The following PDE4D variants were observed in gnomAD, a reference collection of about 807,000 sequenced individuals.
PDE4D encodes 3',5'-cyclic-AMP phosphodiesterase 4D.
Under a neutral mutation model 87.4 loss-of-function variants are expected in PDE4D, and 24 were observed. The ratio of observed to expected loss-of-function variants is 0.27; its 90% CI spans 0.20 to 0.39. PDE4D has a LOEUF of 0.39. Among genes scored for constraint, PDE4D ranks in the 10% least tolerant of loss-of-function variants. The pLI, the probability that PDE4D is intolerant of heterozygous loss-of-function variation, is 1.00. For missense variants in PDE4D, 714 were observed against 1,041.0 expected (o/e 0.69, Z 4.32); for synonymous variants, 384 against 383.2 (o/e 1.00, Z -0.02).
chr5:59,976,795 C>T (rs548467977), intron 3 of PDE4D, among the ~76,000 whole-genome samples: 1 of 152,170 alleles, frequency 6.6e-6, no homozygotes, highest in East Asian at 1.9e-4. Flanking sequence ...GTTTCTATGT[C>T]ATATTTTGGT....
chr5:59,133,197 A>C (rs560551607), intron 5 of PDE4D, among the ~76,000 whole-genome samples: 1 of 152,316 alleles, frequency 6.6e-6, no homozygotes, highest in African/African-American at 2.4e-5. Flanking sequence ...AACATGAAAC[A>C]GAAAAAACTT....
At chr5:59,918,465 C>T (rs1754310384) in intron 3 of PDE4D, among the ~76,000 whole-genome samples, 3 of 152,172 alleles carry the variant, frequency 2.0e-5, no homozygotes, top group Admixed American at 2.0e-4. Context: ...TTTTCCTCAT[C>T]TTGAATATGG....
At chr5:60,240,429 C>T (rs1039538060) in intron 1 of PDE4D, among the ~76,000 whole-genome samples, 5 of 152,120 alleles carry the variant, frequency 3.3e-5, no homozygotes, top group Admixed American at 2.6e-4. Context: ...ATTTCTGGAC[C>T]TGCCCTGAGC....
intron 1 of PDE4D, among the ~76,000 whole-genome samples, chr5:59,239,679 A>G (rs1757252086): frequency 6.6e-6 from 1 of 152,134 alleles, no homozygotes; most frequent in African/African-American, 2.4e-5. Flanking sequence ...CCTTAGTAAA[A>G]AATACTGATG....
At chr5:59,933,960 A>T (rs931600171) in intron 3 of PDE4D, among the ~76,000 whole-genome samples, 1 of 152,002 alleles carries the variant, frequency 6.6e-6, no homozygotes, top group Non-Finnish European at 1.5e-5. Flanking sequence ...AACCTATTTG[A>T]TTATAGAAGG....
chr5:60,370,392 T>A (rs1583552283), intron 1 of PDE4D, among the ~76,000 whole-genome samples: 1 of 152,278 alleles, frequency 6.6e-6, no homozygotes, highest in South Asian at 2.1e-4. Context: ...ATCGACTACA[T>A]TCAACAGAAT....
chr5:59,733,632 T>A (rs1458808493), intron 1 of PDE4D, among the ~76,000 whole-genome samples: 1 of 152,108 alleles, frequency 6.6e-6, no homozygotes, highest in African/African-American at 2.4e-5. Flanking sequence ...AAGTATGTTA[T>A]TAAAATGACT....
intron 3 of PDE4D, among the ~76,000 whole-genome samples, chr5:59,970,804 C>T (rs1231330209): frequency 6.8e-6 from 1 of 147,258 alleles, no homozygotes; most frequent in Admixed American, 6.8e-5. Context: ...TGTGGCGATT[C>T]CTCAGGGATC....
At chr5:59,380,498 G>A (rs975840762) in intron 1 of PDE4D, among the ~76,000 whole-genome samples, 5 of 152,016 alleles carry the variant, frequency 3.3e-5, no homozygotes, top group African/African-American at 9.7e-5. Flanking sequence ...ACCACTTCAA[G>A]TTTTTGTGGT....
chr5:59,941,243 G>A (rs1406491916), intron 3 of PDE4D, among the ~76,000 whole-genome samples: 2 of 152,034 alleles, frequency 1.3e-5, no homozygotes, highest in Admixed American at 6.5e-5. Flanking sequence ...AGTGATGTTC[G>A]TGTGATTGTC....
chr5:60,126,646 AT>A (rs1481598745), intron 2 of PDE4D, among the ~76,000 whole-genome samples: 3 of 152,204 alleles, frequency 2.0e-5, no homozygotes, highest in Non-Finnish European at 2.9e-5. Flanking sequence ...CAACAAGGCA[AT>A]TTTGTGAAAT....
chr5:59,137,525 C>CTTTTTT (rs61134818), intron 5 of PDE4D, among the ~76,000 whole-genome samples: 16 of 139,598 alleles, frequency 1.1e-4, no homozygotes, highest in Non-Finnish European at 2.2e-4. Context: ...GGGAAAGTTT[C>CTTTTTT]TTTTTTTTTT....
At chr5:59,457,741 T>C (rs1396402997) in intron 1 of PDE4D, among the ~76,000 whole-genome samples, 4 of 151,736 alleles carry the variant, frequency 2.6e-5, no homozygotes, top group Admixed American at 1.3e-4. Context: ...AAATACAAAA[T>C]AAAAATGGCT....
chr5:59,252,007 A>T (rs1005525128), intron 1 of PDE4D, among the ~76,000 whole-genome samples: 1 of 152,104 alleles, frequency 6.6e-6, no homozygotes, highest in Admixed American at 6.6e-5. Context: ...AACAACAGAC[A>T]TTGGGGTCTA....
chr5:59,422,208 T>C (rs1384646797), intron 1 of PDE4D, among the ~76,000 whole-genome samples: 1 of 152,088 alleles, frequency 6.6e-6, no homozygotes, highest in Non-Finnish European at 1.5e-5. Context: ...TCTTTTCAAA[T>C]TCAATGCACA....
chr5:60,468,133 TTTTC>T (rs1297286842), intron 1 of PDE4D, among the ~76,000 whole-genome samples: 1 of 135,624 alleles, frequency 7.4e-6, no homozygotes, highest in African/African-American at 2.9e-5. Flanking sequence ...TTTCTTTCTT[TTTTC>T]TTTTTTTTTT....
intron 1 of PDE4D, among the ~76,000 whole-genome samples, chr5:59,892,278 A>G (rs1501641): frequency 0.39 from 59,708 of 151,966 alleles, 12,075 homozygotes; most frequent in Admixed American, 0.44. Context: ...ACTTCTACTA[A>G]AACTCCCGGT....
At chr5:60,082,322 C>G (rs1774044394) in intron 2 of PDE4D, among the ~76,000 whole-genome samples, 1 of 152,134 alleles carries the variant, frequency 6.6e-6, no homozygotes, top group South Asian at 2.1e-4. Context: ...AAGGATATAA[C>G]AAGAAGACAC....
chr5:60,114,639 C>T (rs555501025), intron 2 of PDE4D, among the ~76,000 whole-genome samples: 19 of 152,052 alleles, frequency 1.2e-4, no homozygotes, highest in Admixed American at 3.9e-4. Flanking sequence ...CAAGTTTATC[C>T]CTGATGTTGC....
Sources: allele counts gnomAD v4.1 joint callset (sites outside exome capture counted in the v4.1 genomes callset), GRCh38; gene constraint gnomAD v4.1.1; transcripts MANE v1.5; gene names NCBI Gene and HGNC (gene_info 2026-07-23, HGNC 2026-07-21).